Variants in ESR1 observed in about 807,000 individuals in gnomAD.
ESR1 encodes the protein estrogen receptor 1.
In ESR1, 12 loss-of-function variants were observed where a neutral mutation model predicts 52.7. The ratio of observed to expected loss-of-function variants is 0.23; its 90% CI spans 0.15 to 0.37. The LOEUF (loss-of-function observed/expected upper bound fraction) is 0.37. Ranked by LOEUF, ESR1 falls within the 10% of genes least tolerant of loss-of-function variation. The pLI is 1.00. For synonymous variants in ESR1, 305 were observed against 316.8 expected (o/e 0.96, Z 0.39); for missense variants, 584 against 779.7 (o/e 0.75, Z 2.99).
chr6:151,903,501 T>A (rs899621353), intron 3 of ESR1, among the ~76,000 whole-genome samples: 3 of 152,220 alleles, frequency 2.0e-5, no homozygotes, highest in Admixed American at 2.0e-4. Flanking sequence ...TCACCTCCAG[T>A]TCTGATCTTG....
chr6:151,811,622 T>C (rs1397507099), intron 1 of ESR1, among the ~76,000 whole-genome samples: 1 of 152,218 alleles, frequency 6.6e-6, no homozygotes, highest in Non-Finnish European at 1.5e-5. Context: ...CAACTTTGAA[T>C]AGAGACTGAT....
At chr6:151,862,763 A>G (rs1562488814) in intron 2 of ESR1, among the ~76,000 whole-genome samples, 1 of 152,132 alleles carries the variant, frequency 6.6e-6, no homozygotes. Context: ...TCTGTGTGAA[A>G]GAACTGTAGT....
intron 1 of ESR1, among the ~76,000 whole-genome samples, chr6:151,818,751 T>C (rs3853248): frequency 0.23 from 34,266 of 151,790 alleles, 4,867 homozygotes; most frequent in African/African-American, 0.41. Context: ...GCTTTCAAAC[T>C]CTAATTAATC....
chr6:151,838,329 G>A (rs1298217420), intron 1 of ESR1, among the ~76,000 whole-genome samples: 1 of 152,232 alleles, frequency 6.6e-6, no homozygotes, highest in Non-Finnish European at 1.5e-5. Flanking sequence ...CCAAGGCCAG[G>A]TAGAGAGCAG....
chr6:151,875,981 G>A (rs770976521), intron 2 of ESR1, among the ~76,000 whole-genome samples: 12 of 152,180 alleles, frequency 7.9e-5, no homozygotes, highest in Non-Finnish European at 1.8e-4. Context: ...CTGTGGGGAA[G>A]GATTGGCGGG....
Position 152,117,341 on chromosome 6 carries a change from C to T in ESR1, c.851-7925C>T, listed in dbSNP as rs2051222215. On this transcript the variant is annotated intron_variant, in intron 6 of 6. Transcript: ENST00000427531. ...AAGAATGTGTCCGGCAGGATTTAAG[C>T]CTGAGCTGGGAACGCACATCTGTGA... Among the ~76,000 whole-genome samples the T allele has an allele frequency of 2.6e-5, 4 of 152,190 alleles. No homozygotes were observed. In the South Asian group the frequency reaches 8.3e-4, roughly 32 times the overall value.
intron 5 of ESR1, among the ~76,000 whole-genome samples, chr6:152,042,037 C>T (rs752140823): frequency 4.6e-5 from 7 of 152,184 alleles, no homozygotes; most frequent in East Asian, 1.9e-4. Context: ...GAAAGTTGAA[C>T]GGGGATGTGG....
At chr6:151,778,273 A>G (rs1786201966) in intron 2 of ESR1, among the ~76,000 whole-genome samples, 1 of 151,082 alleles carries the variant, frequency 6.6e-6, no homozygotes, top group Admixed American at 6.6e-5. Context: ...AATGGGTACA[A>G]CATTTCTGTT....
intron 2 of ESR1, among the ~76,000 whole-genome samples, chr6:151,878,899 C>G (rs919738273): frequency 2.6e-5 from 4 of 152,092 alleles, no homozygotes; most frequent in African/African-American, 9.7e-5. Context: ...ATGGAGGTGA[C>G]TTCTAAATCT....
intron 2 of ESR1, among the ~76,000 whole-genome samples, chr6:151,869,471 A>G (rs1002463540): frequency 2.0e-5 from 3 of 152,172 alleles, no homozygotes; most frequent in African/African-American, 7.2e-5. Flanking sequence ...AAAGCGGTTC[A>G]TTGTCCCTGA....
intron 4 of ESR1, among the ~76,000 whole-genome samples, chr6:151,962,366 AGAGGACCACGG>A (rs758435745): frequency 4.3e-4 from 65 of 152,200 alleles, no homozygotes; most frequent in Middle Eastern, 3.4e-3. Flanking sequence ...CTGTTCCCTG[AGAGGACCACGG>A]GAGCACCCTG....
At chr6:151,735,900 A>C (rs532932180) in intron 2 of ESR1, among the ~76,000 whole-genome samples, 1 of 152,264 alleles carries the variant, frequency 6.6e-6, no homozygotes, top group Non-Finnish European at 1.5e-5. Context: ...GTGAGTTATC[A>C]TGACGTCTGA....
chr6:151,944,787 T>G (rs2035509220), intron 4 of ESR1, among the ~76,000 whole-genome samples: 1 of 152,214 alleles, frequency 6.6e-6, no homozygotes, highest in Non-Finnish European at 1.5e-5. Context: ...GGGTGGACAC[T>G]ACATGGTAAA....
rs2050824968 is a variant in ESR1, at chr6:152,098,602, T to C, written c.1554-130T>C. 6.1e-6 allele frequency: 5 copies of C among 813,690 alleles called. No homozygotes were observed. The South Asian group carries it at 7.3e-5, about 12-fold the overall frequency. 50.4% of individuals were successfully genotyped at this position (813,690 alleles called of 1,614,324 possible). On this transcript the variant is annotated intron_variant, in intron 7 of 7. Transcript: ENST00000206249. This position sits in a 1 kb window ranked among gnomAD's most constrained non-coding sequence, Gnocchi z 5.1. ...CCCAGCTCCCATCCTAAAGTGGGTC[T>C]TTAAACAGGAAGAAAGAAAGATTGC...
At chr6:152,062,445 C>G (rs1033838595) in intron 6 of ESR1, among the ~76,000 whole-genome samples, 5 of 152,212 alleles carry the variant, frequency 3.3e-5, no homozygotes, top group African/African-American at 1.2e-4. Context: ...TACTATTACA[C>G]TAGGCAAGGA....
chr6:151,943,880 T>G (rs1449966329), intron 3 of ESR1, among the ~76,000 whole-genome samples: 2 of 152,084 alleles, frequency 1.3e-5, no homozygotes, highest in South Asian at 4.1e-4. Flanking sequence ...TTTTCAGGAG[T>G]TTTGTAAGCC....
intron 2 of ESR1, among the ~76,000 whole-genome samples, chr6:151,714,522 G>C (rs939918660): frequency 1.3e-5 from 2 of 152,182 alleles, no homozygotes; most frequent in Admixed American, 1.3e-4. Context: ...GGGTGCTGCT[G>C]TATTGGGTGC....
At chr6:151,790,712 A>G (rs1776070856) in intron 2 of ESR1, among the ~76,000 whole-genome samples, 1 of 152,082 alleles carries the variant, frequency 6.6e-6, no homozygotes. Flanking sequence ...ATATACACAC[A>G]TTCATTTGAC....
chr6:151,735,052 T>A (rs1782542983), intron 2 of ESR1, among the ~76,000 whole-genome samples: 2 of 152,244 alleles, frequency 1.3e-5, no homozygotes, highest in Non-Finnish European at 2.9e-5. Flanking sequence ...AAGCAGACTG[T>A]GAATAAATAA....
Sources: allele counts gnomAD v4.1 joint callset (sites outside exome capture counted in the v4.1 genomes callset), GRCh38; gene constraint gnomAD v4.1.1; non-coding constraint Gnocchi (gnomAD v3.1); transcripts MANE v1.5; gene names NCBI Gene and HGNC (gene_info 2026-07-23, HGNC 2026-07-21).